The following MLLT10 variants were observed in gnomAD, a reference collection of about 807,000 sequenced individuals.
MLLT10 encodes MLLT10 histone lysine methyltransferase DOT1L cofactor, also known as protein AF-10.
Under a neutral mutation model 129.1 loss-of-function variants are expected in MLLT10, and 30 were observed. That is an observed-to-expected ratio of 0.23 (90% CI 0.17 to 0.32). MLLT10 has a LOEUF of 0.32. Ranked by LOEUF, MLLT10 falls within the 10% of genes least tolerant of loss-of-function variation. The probability of loss-of-function intolerance (pLI) is 1.00; values close to 1 mark genes in which losing one functional copy is unlikely to be tolerated. For synonymous variants in MLLT10, 490 were observed against 446.4 expected (o/e 1.10, Z -1.23); for missense variants, 1,119 against 1,268.3 (o/e 0.88, Z 1.79).
chr10:21,720,099 T>C (rs1051951225), intron 14 of MLLT10, among the ~76,000 whole-genome samples: 2 of 152,230 alleles, frequency 1.3e-5, no homozygotes, highest in Non-Finnish European at 2.9e-5. Context: ...TTGGTTAATC[T>C]ATACAGTCCT....
At chr10:21,660,885 A>AG (rs1452498052) in intron 9 of MLLT10, among the ~76,000 whole-genome samples, 2 of 151,292 alleles carry the variant, frequency 1.3e-5, no homozygotes, top group African/African-American at 4.9e-5. Flanking sequence ...AAAAAAAAAA[A>AG]AAAAAAAAGA....
rs574627508 is a variant in MLLT10, at chr10:21,671,955, AAAAC to A, written c.1051+1263_1051+1266del. 3.9e-4 allele frequency among the ~76,000 whole-genome samples: 60 copies of A among 152,314 alleles called. No individual in the cohort carries two copies. In the East Asian group the frequency reaches 6.4e-3, roughly 16 times the overall value. On this transcript the variant is annotated intron_variant, in intron 10 of 22. Coordinates refer to ENST00000307729, the MANE Select transcript of MLLT10 (RefSeq NM_001195626.3). ...GCGACAGAACAAGACCCTGCCTCAA[AAAAC>A]AAACAAACAAAAAACCAAAAACAAA...
intron 4 of MLLT10, among the ~76,000 whole-genome samples, chr10:21,588,075 G>A (rs1249489910): frequency 2.0e-5 from 3 of 151,268 alleles, no homozygotes; most frequent in Non-Finnish European, 2.9e-5. Flanking sequence ...TTTTTTCTTC[G>A]ATTTTCTTTT....
chr10:21,728,281 G>A (rs1441907414), intron 16 of MLLT10, among the ~76,000 whole-genome samples: 1 of 152,148 alleles, frequency 6.6e-6, no homozygotes, highest in Non-Finnish European at 1.5e-5. Context: ...TTTTAGCTCT[G>A]TTCTGTGTAG....
intron 16 of MLLT10, 50 bp downstream of exon 16, chr10:21,727,978 T>G (rs2057656301): frequency 4.6e-6 from 7 of 1,515,302 alleles, no homozygotes; most frequent in Non-Finnish European, 5.5e-6. Flanking sequence ...CGTTTGAGAT[T>G]TGGAAACTTT....
intron 8 of MLLT10, among the ~76,000 whole-genome samples, chr10:21,628,647 G>A (rs899362071): frequency 2.0e-5 from 3 of 151,448 alleles, no homozygotes; most frequent in Admixed American, 6.6e-5. Context: ...TTGCCATGTC[G>A]GTCAGGCTGG....
chr10:21,619,010 G>GCCA (rs1564518680), intron 8 of MLLT10, among the ~76,000 whole-genome samples: 2 of 148,516 alleles, frequency 1.3e-5, no homozygotes, highest in East Asian at 3.9e-4. Context: ...ACAGGCGTGA[G>GCCA]CCACCGTGCC....
chr10:21,589,348 A>T, intron 4 of MLLT10, among the ~76,000 whole-genome samples: 3 of 145,766 alleles, frequency 2.1e-5, no homozygotes, highest in African/African-American at 7.6e-5. Flanking sequence ...TTTTTAAGTG[A>T]CAGGTTTTCA....
At chr10:21,533,793 G>A (rs747456976), upstream of MLLT10, among the ~76,000 whole-genome samples, 2 of 152,288 alleles carry the variant, frequency 1.3e-5, no homozygotes, top group Admixed American at 6.5e-5. Context: ...TGGCACACTC[G>A]CCCCACCCTC....
chr10:21,566,119 T>G (rs1726522623), intron 3 of MLLT10, among the ~76,000 whole-genome samples: 1 of 150,984 alleles, frequency 6.6e-6, no homozygotes, highest in African/African-American at 2.4e-5. Context: ...CTGGCTAAAT[T>G]TTTTTTTGTA....
chr10:21,572,874 G>A (rs1356241118), intron 3 of MLLT10, among the ~76,000 whole-genome samples: 1 of 152,124 alleles, frequency 6.6e-6, no homozygotes, highest in Admixed American at 6.6e-5. Context: ...GCCTTCCAAA[G>A]TGCTGGGATT....
intron 7 of MLLT10, 38 bp downstream of exon 7, chr10:21,614,962 T>C: frequency 1.3e-6 from 2 of 1,512,938 alleles, no homozygotes; most frequent in South Asian, 1.2e-5. Context: ...ATGATTATGA[T>C]TAGTTTTGAC....
intron 8 of MLLT10, chr10:21,624,733 A>T (rs1345114394): frequency 4.7e-6 from 6 of 1,284,298 alleles, no homozygotes; most frequent in Middle Eastern, 3.7e-4. Context: ...TGTTGGTCTG[A>T]CGATGCTTGG....
At chr10:21,645,787 A>G (rs926400668) in intron 8 of MLLT10, among the ~76,000 whole-genome samples, 6 of 152,186 alleles carry the variant, frequency 3.9e-5, no homozygotes, top group Non-Finnish European at 8.8e-5. Flanking sequence ...CTTGGCCTTA[A>G]GATATGAACT....
intron 3 of MLLT10, among the ~76,000 whole-genome samples, chr10:21,551,402 C>T (rs1459856017): frequency 7.5e-6 from 1 of 133,410 alleles, no homozygotes; most frequent in African/African-American, 2.8e-5. Flanking sequence ...TGAACATTTA[C>T]TAACTTTTTT....
chr10:21,574,141 G>A (rs2040493532), intron 3 of MLLT10, among the ~76,000 whole-genome samples: 1 of 152,114 alleles, frequency 6.6e-6, no homozygotes, highest in South Asian at 2.1e-4. Context: ...GAAGGATTTT[G>A]ATAATGAATT....
chr10:21,724,596 AAAG>A (rs754440465), intron 14 of MLLT10, among the ~76,000 whole-genome samples: 1 of 152,266 alleles, frequency 6.6e-6, no homozygotes, highest in African/African-American at 2.4e-5. Context: ...CATTCATGAA[AAAG>A]AAGAACAATT....
intron 8 of MLLT10, among the ~76,000 whole-genome samples, chr10:21,634,327 T>C (rs1194022378): frequency 6.6e-6 from 1 of 152,214 alleles, no homozygotes; most frequent in Non-Finnish European, 1.5e-5. Flanking sequence ...CAGCTGGGAT[T>C]TGTCTGATTT....
intron 21 of MLLT10, chr10:21,738,579 C>A: frequency 8.0e-7 from 1 of 1,248,646 alleles, no homozygotes; most frequent in Non-Finnish European, 1.0e-6. Flanking sequence ...TTTTTGGAAG[C>A]CTCCGCACAG....
Sources: allele counts gnomAD v4.1 joint callset (sites outside exome capture counted in the v4.1 genomes callset), GRCh38; gene constraint gnomAD v4.1.1; transcripts MANE v1.5; gene names NCBI Gene and HGNC (gene_info 2026-07-23, HGNC 2026-07-21).